FREM3: variants seen among roughly 807,000 people sequenced by gnomAD.
The protein encoded by FREM3 is FRAS1 related extracellular matrix 3, also known as FRAS1-related extracellular matrix protein 3.
Under a neutral mutation model 129.1 loss-of-function variants are expected in FREM3, and 105 were observed. The observed-to-expected ratio is 0.81, with a 90% CI of 0.69 to 0.96. The LOEUF (loss-of-function observed/expected upper bound fraction) is 0.96. FREM3 is among the 40% of genes least tolerant of loss of function. The probability of loss-of-function intolerance (pLI) is 0.00; values close to 1 mark genes in which losing one functional copy is unlikely to be tolerated. For synonymous variants in FREM3, 1,014 were observed against 1,044.9 expected, an observed-to-expected ratio of 0.97 and a Z score of 0.57; for missense variants, 2,593 against 2,666.3, an observed-to-expected ratio of 0.97 and a Z score of 0.61.
chr4:143,684,032 C>T (rs1318393086), intron 2 of FREM3, among the ~76,000 whole-genome samples: 5 of 152,176 alleles, frequency 3.3e-5, no homozygotes, highest in Non-Finnish European at 5.9e-5. Context: ...AGCTTTGACA[C>T]ACCTAGCCCC....
In FREM3 at chr4:143,577,805, CTG is replaced by C; in HGVS notation, c.6224_6225del (p.Pro2075ArgfsTer13). 2.6e-6 allele frequency: 4 copies of C among 1,537,298 alleles called. No homozygotes were observed. Among genetic ancestry groups the C allele is most frequent in the Non-Finnish European group, 3.5e-6 (4 of 1,146,916 alleles). ...VGISRNLDFA[P>X]GVRMQTFQVT... ...ACTTGGAATGTCTGCATGCGCACGCCTGGAGCAAAGTCCAGGTTTCGGCTGAT... is the reference window on the plus strand; with the variant it reads ...ACTTGGAATGTCTGCATGCGCACGCCGAGCAAAGTCCAGGTTTCGGCTGAT... On this transcript the variant is annotated frameshift_variant, in exon 8 of 8. Coordinates refer to ENST00000329798, the MANE Select transcript of FREM3 (RefSeq NM_001168235.2). LOFTEE classifies it low-confidence loss of function (END_TRUNC).
intron 6 of FREM3, among the ~76,000 whole-genome samples, chr4:143,589,736 T>C (rs1450393148): frequency 1.3e-5 from 2 of 152,302 alleles, no homozygotes; most frequent in Admixed American, 6.5e-5. Flanking sequence ...TCTTTTTTGG[T>C]TCCATATGAA....
In FREM3 at chr4:143,699,082, A is replaced by G. The variant is rs201463006; in HGVS notation, c.1594T>C (p.Phe532Leu). 1 of 1,537,490 alleles carries G rather than the reference A, an allele frequency of 6.5e-7. No individual in the cohort carries two copies. The highest frequency in any genetic ancestry group is 8.7e-7 in the Non-Finnish European group (1 of 1,146,948). The stretch of plus-strand genomic sequence containing the variant: ...TCCACAGGTAGGATGGTGAGGGGAA[A>G]GAGGAAGTCCACTTGGTGGTGCCCG... ...EDGHHQVDFL[F>L]PLTILPVDDE... Residue 532 changes from phenylalanine to leucine, a missense_variant, in exon 1 of 8, where the codon TTT (phenylalanine) becomes CTT (leucine). This residue lies in a region of FREM3 where 2,276 missense variants were observed against 2,267.2 expected (regional missense o/e 1.00). Coordinates refer to ENST00000329798, the MANE Select transcript of FREM3 (RefSeq NM_001168235.2). The surrounding 1 kb of genome is among the most constrained non-coding windows in gnomAD (Gnocchi z 4.2).
chr4:143,678,574 G>T (rs1352579202), intron 2 of FREM3, among the ~76,000 whole-genome samples: 1 of 151,530 alleles, frequency 6.6e-6, no homozygotes, highest in East Asian at 1.9e-4. Context: ...AGAAGAAAAA[G>T]CCTGTGTTTG....
chr4:143,663,223 G>T (rs892737571), intron 2 of FREM3, among the ~76,000 whole-genome samples: 1 of 152,034 alleles, frequency 6.6e-6, no homozygotes, highest in African/African-American at 2.4e-5. Flanking sequence ...AGCTGGTACC[G>T]GTTGTTCCTT....
chr4:143,698,086 T>C lies in FREM3; in HGVS notation c.2590A>G (p.Ile864Val), dbSNP rs1170370675. 5.9e-6 allele frequency: 9 copies of C among 1,537,256 alleles called. No individual in the cohort carries two copies. Among genetic ancestry groups the C allele is most frequent in the African/African-American group, 1.4e-5 (1 of 73,036 alleles). Residue 864 changes from isoleucine to valine, a missense_variant, in exon 1 of 8, where the codon ATT (isoleucine) becomes GTT (valine). Around this residue, in one of 2 missense-constraint regions of FREM3, gnomAD observed 2,276 missense variants for 2,267.2 expected, o/e 1.00. Coordinates refer to ENST00000329798, the MANE Select transcript of FREM3 (RefSeq NM_001168235.2). ...VTDPDTDIDQ[I>V]VFILVRGPQH... ...GGACCCCGGACTAATATGAAGACAA[T>C]TTGGTCAATGTCTGTGTCTGGGTCT...
In FREM3 at chr4:143,697,862, C is replaced by A. The variant is rs1740606147; in HGVS notation, c.2814G>T (p.Val938=). The A allele has an allele frequency of 6.5e-7, 1 of 1,537,798 alleles. No homozygotes were observed. The highest frequency in any genetic ancestry group is 8.7e-7 in the Non-Finnish European group (1 of 1,147,022). Reference sequence around the variant, plus strand: ...GAGAGATCCTAGGACTTCTGTTAGCCACATTGGGATGCACAGAAATTGGGA... The same window carrying A: ...GAGAGATCCTAGGACTTCTGTTAGCAACATTGGGATGCACAGAAATTGGGA... ...ITIPISVHPN[V]ANRSPRISLR... is the part of the protein sequence containing the mutation. Residue 938 remains valine, a synonymous_variant, in exon 1 of 8, where the codon GTG becomes GTT. Coordinates refer to ENST00000329798, the MANE Select transcript of FREM3 (RefSeq NM_001168235.2).
intron 2 of FREM3, among the ~76,000 whole-genome samples, chr4:143,656,370 A>G (rs1028332625): frequency 6.6e-6 from 1 of 152,234 alleles, no homozygotes; most frequent in Non-Finnish European, 1.5e-5. Flanking sequence ...TGAATGTTCA[A>G]ATAGCACTAT....
chr4:143,674,049 C>T (rs141874794), intron 2 of FREM3, among the ~76,000 whole-genome samples: 9,099 of 152,234 alleles, frequency 0.06, 331 homozygotes, highest in Middle Eastern at 0.15. Flanking sequence ...CTGGGTGAGG[C>T]GATGCCTCGC....
intron 2 of FREM3, among the ~76,000 whole-genome samples, chr4:143,632,033 C>T (rs527295609): frequency 6.6e-6 from 1 of 152,114 alleles, no homozygotes; most frequent in African/African-American, 2.4e-5. Flanking sequence ...TGTGTTAATG[C>T]ACTCCAGAAT....
intron 6 of FREM3, among the ~76,000 whole-genome samples, chr4:143,593,679 G>A (rs980132037): frequency 6.6e-6 from 1 of 152,226 alleles, no homozygotes; most frequent in African/African-American, 2.4e-5. Context: ...CTACTCGGGG[G>A]TCAGGGACCC....
intron 2 of FREM3, among the ~76,000 whole-genome samples, chr4:143,666,493 C>G (rs1480969712): frequency 6.6e-6 from 1 of 152,064 alleles, no homozygotes; most frequent in Non-Finnish European, 1.5e-5. Flanking sequence ...AAATGTCCAT[C>G]AATAGATGAG....
intron 2 of FREM3, among the ~76,000 whole-genome samples, chr4:143,683,404 C>A (rs528580526): frequency 1.3e-5 from 2 of 152,310 alleles, no homozygotes; most frequent in Admixed American, 6.5e-5. Context: ...AAACACACAC[C>A]CCCATTGGAG....
At chr4:143,678,133 A>C (rs931474673) in intron 2 of FREM3, among the ~76,000 whole-genome samples, 1 of 152,194 alleles carries the variant, frequency 6.6e-6, no homozygotes, top group African/African-American at 2.4e-5. Flanking sequence ...AAGACTTGGA[A>C]CCAATGCCAA....
rs1288924755 is a variant in FREM3, at chr4:143,695,981, A to G, written c.4695T>C (p.Ser1565=). Residue 1565 remains serine (S), a synonymous_variant, in exon 1 of 8, where the codon AGT becomes AGC. Coordinates refer to ENST00000329798, the MANE Select transcript of FREM3 (RefSeq NM_001168235.2). ...ITLLELTVED[S]DTPDDLILFT... ...AGAGAATAAGGTCATCTGGGGTATC[A>G]CTGTCTTCCACTGTCAACTCAAGGA... The G allele has an allele frequency of 6.5e-7, 1 of 1,537,754 alleles. No homozygotes were observed. The highest frequency in any genetic ancestry group is 2.0e-5 in the Admixed American group (1 of 50,990).
intron 5 of FREM3, among the ~76,000 whole-genome samples, chr4:143,613,368 G>A (rs1738794145): frequency 6.6e-6 from 1 of 152,168 alleles, no homozygotes; most frequent in African/African-American, 2.4e-5. Flanking sequence ...ATTATCTCAT[G>A]AGATTCCTTC....
At chr4:143,597,898 G>A (rs571919187) in intron 6 of FREM3, among the ~76,000 whole-genome samples, 1 of 152,324 alleles carries the variant, frequency 6.6e-6, no homozygotes, top group Admixed American at 6.5e-5. Flanking sequence ...CACAGTTCTG[G>A]AGACTTGGAA....
rs542685638 is a variant in FREM3, at chr4:143,691,018, C to T, written c.5275+2095G>A. Among the ~76,000 whole-genome samples, 3 of 152,206 alleles carry T rather than the reference C, an allele frequency of 2.0e-5. No individual in the cohort carries two copies. The South Asian group carries it at 6.2e-4, about 32-fold the overall frequency. ...CCAGCCTGGGCAACATAGAGGAACCCTGTTTCTAGAAAAAATCTTTAAAGA... is the reference window on the plus strand; with the variant it reads ...CCAGCCTGGGCAACATAGAGGAACCTTGTTTCTAGAAAAAATCTTTAAAGA... On this transcript the variant is annotated intron_variant, in intron 2 of 7. Transcript: ENST00000329798.
At chr4:143,665,402 G>C (rs1739841914) in intron 2 of FREM3, among the ~76,000 whole-genome samples, 1 of 152,038 alleles carries the variant, frequency 6.6e-6, no homozygotes, top group Non-Finnish European at 1.5e-5. Context: ...TGAGAGCAAG[G>C]ATTATGTCTT....
Sources: gnomAD v4.1 joint callset for allele counts (sites outside exome capture counted in the v4.1 genomes callset) on GRCh38, gnomAD v4.1.1 for gene constraint, gnomAD v4.1.1 regional missense constraint, Gnocchi (gnomAD v3.1) non-coding constraint, MANE v1.5 for transcripts, NCBI Gene and HGNC (gene_info 2026-07-23, HGNC 2026-07-21) for gene names.